The following ESRRG variants were observed in gnomAD, a reference collection of about 807,000 sequenced individuals.
ESRRG encodes the protein estrogen-related receptor gamma.
ESRRG carries 13 observed loss-of-function variants against 44.0 expected under a neutral mutation model. The ratio of observed to expected loss-of-function variants is 0.30; its 90% CI spans 0.19 to 0.47. ESRRG has a LOEUF of 0.47. Ranked by LOEUF, ESRRG falls within the 20% of genes least tolerant of loss-of-function variation. ESRRG has a pLI of 1.00. For missense variants in ESRRG, 395 were observed against 580.6 expected (o/e 0.68, Z 3.29); for synonymous variants, 215 against 214.6 (o/e 1.00, Z -0.02).
At chr1:216,709,343 G>GTGTGTA (rs377260365) in intron 1 of ESRRG, among the ~76,000 whole-genome samples, 3 of 145,370 alleles carry the variant, frequency 2.1e-5, no homozygotes, top group African/African-American at 2.6e-5. Flanking sequence ...GTGTGTGTGT[G>GTGTGTA]TATATATATA....
intron 2 of ESRRG, among the ~76,000 whole-genome samples, chr1:216,859,472 C>G (rs1401308503): frequency 2.6e-5 from 4 of 152,158 alleles, no homozygotes; most frequent in African/African-American, 9.7e-5. Context: ...GCAGATAGTC[C>G]TTTTCAAGTG....
chr1:216,555,304 C>A (rs1253725119), intron 5 of ESRRG, among the ~76,000 whole-genome samples: 1 of 152,206 alleles, frequency 6.6e-6, no homozygotes, highest in Non-Finnish European at 1.5e-5. Context: ...TCCTTTAAAA[C>A]ACATACACAC....
At chr1:217,036,793 T>C (rs1202393574) in intron 1 of ESRRG, among the ~76,000 whole-genome samples, 1 of 150,808 alleles carries the variant, frequency 6.6e-6, no homozygotes, top group Non-Finnish European at 1.5e-5. Context: ...AACAAACTTG[T>C]ACTTGTACCC....
intron 1 of ESRRG, among the ~76,000 whole-genome samples, chr1:216,993,875 G>T (rs1306728925): frequency 1.3e-5 from 2 of 152,110 alleles, no homozygotes; most frequent in East Asian, 3.8e-4. Flanking sequence ...TCAGAAAAAT[G>T]GACTTTTATC....
At chr1:216,613,366 A>AT (rs576820944) in intron 3 of ESRRG, among the ~76,000 whole-genome samples, 23 of 152,186 alleles carry the variant, frequency 1.5e-4, no homozygotes, top group Non-Finnish European at 2.6e-4. Flanking sequence ...AGAAGTCATT[A>AT]TTTTTTAAAG....
chr1:217,012,974 T>C (rs2078848829), intron 1 of ESRRG, among the ~76,000 whole-genome samples: 1 of 152,216 alleles, frequency 6.6e-6, no homozygotes, highest in Admixed American at 6.5e-5. Flanking sequence ...GCTCTTCTTC[T>C]TGGCTTACAG....
chr1:216,676,956 T>C, intron 2 of ESRRG, 120 bp downstream of exon 2: 1 of 704,110 alleles, frequency 1.4e-6, no homozygotes, highest in Non-Finnish European at 2.4e-6. Flanking sequence ...TATTTCCATT[T>C]TCTACTCAAG....
At chr1:217,018,857 C>T (rs1276297996) in intron 1 of ESRRG, among the ~76,000 whole-genome samples, 1 of 152,134 alleles carries the variant, frequency 6.6e-6, no homozygotes, top group African/African-American at 2.4e-5. Context: ...GCCACGTGGA[C>T]CGCATTATGG....
At chr1:216,630,653 T>C (rs1168405615) in intron 3 of ESRRG, among the ~76,000 whole-genome samples, 1 of 152,194 alleles carries the variant, frequency 6.6e-6, no homozygotes, top group Non-Finnish European at 1.5e-5. Flanking sequence ...TTTGTACTAC[T>C]GTTCTCTGAA....
At chr1:216,674,621 T>TTC (rs1474747234) in intron 2 of ESRRG, among the ~76,000 whole-genome samples, 1 of 150,008 alleles carries the variant, frequency 6.7e-6, no homozygotes, top group East Asian at 2.0e-4. Flanking sequence ...TAAACTTTTT[T>TTC]TTTTTTTTTT....
At chr1:216,563,814 G>A (rs894444255) in intron 5 of ESRRG, among the ~76,000 whole-genome samples, 3 of 152,130 alleles carry the variant, frequency 2.0e-5, no homozygotes, top group Non-Finnish European at 4.4e-5. Flanking sequence ...TAGCCACTAT[G>A]AACAAAACTA....
intron 2 of ESRRG, among the ~76,000 whole-genome samples, chr1:216,847,810 G>T (rs188243092): frequency 1.3e-5 from 2 of 152,068 alleles, no homozygotes; most frequent in African/African-American, 4.8e-5. Flanking sequence ...TTGGGCATCT[G>T]GTTGGCAAGA....
intron 3 of ESRRG, among the ~76,000 whole-genome samples, chr1:216,605,069 C>T (rs1428754436): frequency 6.6e-6 from 1 of 152,158 alleles, no homozygotes; most frequent in East Asian, 1.9e-4. Context: ...TAAAGAAACA[C>T]ACAGTGCAGA....
At chr1:216,865,187 C>CAAAAAAAAAAAAAAAAAAAAAAAAAAA (rs548064265) in intron 2 of ESRRG, 29 of 49,240 alleles carry the variant, frequency 5.9e-4, no homozygotes, top group South Asian at 2.8e-3. Context: ...AGCTGTGCAG[C>CAAAAAAAAAAAAAAAAAAAAAAAAAAA]AAAAAAAAAA....
chr1:216,667,641 A>C (rs2151333759), intron 2 of ESRRG, among the ~76,000 whole-genome samples: 1 of 133,554 alleles, frequency 7.5e-6, no homozygotes, highest in Admixed American at 8.5e-5. Context: ...AGCCAAGATC[A>C]CCCCATTGCC....
chr1:216,900,334 C>G (rs1408376138), intron 2 of ESRRG, among the ~76,000 whole-genome samples: 1 of 151,980 alleles, frequency 6.6e-6, no homozygotes, highest in East Asian at 1.9e-4. Context: ...AATAAAAAAC[C>G]CTAAATATTC....
At chr1:216,797,725 C>G (rs1040841573) in intron 2 of ESRRG, among the ~76,000 whole-genome samples, 1 of 152,094 alleles carries the variant, frequency 6.6e-6, no homozygotes, top group Non-Finnish European at 1.5e-5. Context: ...GTTTTCATCA[C>G]ATCGTATCAA....
intron 1 of ESRRG, among the ~76,000 whole-genome samples, chr1:216,972,051 G>C (rs1394120997): frequency 2.0e-5 from 3 of 152,118 alleles, no homozygotes; most frequent in African/African-American, 7.2e-5. Context: ...AACAAAATTG[G>C]TAGAGTTTTT....
chr1:216,708,107 T>A (rs1008469039), intron 1 of ESRRG, among the ~76,000 whole-genome samples: 2 of 152,196 alleles, frequency 1.3e-5, no homozygotes, highest in African/African-American at 2.4e-5. Context: ...ATGATTTGAA[T>A]ATTCTTGGTA....
Sources: allele counts gnomAD v4.1 joint callset (sites outside exome capture counted in the v4.1 genomes callset), GRCh38; gene constraint gnomAD v4.1.1; transcripts MANE v1.5; gene names NCBI Gene and HGNC (gene_info 2026-07-23, HGNC 2026-07-21).